The following KCNMA1 variants were observed in gnomAD, a reference collection of about 807,000 sequenced individuals.
The protein encoded by KCNMA1 is potassium calcium-activated channel subfamily M alpha 1.
In KCNMA1, 29 loss-of-function variants were observed where a neutral mutation model predicts 140.0. The observed-to-expected ratio is 0.21, with a 90% confidence interval of 0.15 to 0.28. The LOEUF (loss-of-function observed/expected upper bound fraction) is 0.28, where lower values mean the gene tolerates loss of function less well. Ranked by LOEUF, KCNMA1 falls within the 10% of genes least tolerant of loss-of-function variation. The probability of loss-of-function intolerance (pLI) is 1.00; values close to 1 mark genes in which losing one functional copy is unlikely to be tolerated. For missense variants in KCNMA1, 880 were observed against 1,602.2 expected, an observed-to-expected ratio of 0.55 and a Z score of 7.70; for synonymous variants, 612 against 611.9, an observed-to-expected ratio of 1.00 and a Z score of 0.00.
intron 2 of KCNMA1, among the ~76,000 whole-genome samples, chr10:77,299,007 G>T (rs2075924187): frequency 6.6e-6 from 1 of 152,208 alleles, no homozygotes; most frequent in South Asian, 2.1e-4. Context: ...TGATTTTGTT[G>T]TTGTTGTGTT....
chr10:77,062,347 T>C (rs2095788232), intron 14 of KCNMA1, among the ~76,000 whole-genome samples: 1 of 152,212 alleles, frequency 6.6e-6, no homozygotes, highest in Non-Finnish European at 1.5e-5. Context: ...ATTAACTATA[T>C]TTTTTTCTCC....
chr10:77,610,038 A>G (rs966905192), intron 1 of KCNMA1, among the ~76,000 whole-genome samples: 5 of 152,200 alleles, frequency 3.3e-5, no homozygotes, highest in African/African-American at 1.2e-4. Context: ...AGGCCAGGTC[A>G]CCCTGTTCCC....
chr10:77,443,161 C>T (rs3887429), intron 1 of KCNMA1, among the ~76,000 whole-genome samples: 9,258 of 152,228 alleles, frequency 0.061, 950 homozygotes, highest in African/African-American at 0.21. Flanking sequence ...GCCAGACTGG[C>T]TCCCAAAAGA....
At chr10:77,552,624 C>A (rs947524339) in intron 1 of KCNMA1, among the ~76,000 whole-genome samples, 1 of 152,156 alleles carries the variant, frequency 6.6e-6, no homozygotes, top group African/African-American at 2.4e-5. Context: ...GACTTAATAC[C>A]ACAGAGGGCA....
At chr10:77,584,492 C>G (rs2076713454) in intron 1 of KCNMA1, among the ~76,000 whole-genome samples, 1 of 152,042 alleles carries the variant, frequency 6.6e-6, no homozygotes, top group Non-Finnish European at 1.5e-5. Flanking sequence ...GTAGCTGGGA[C>G]TACAGGTGCA....
intron 3 of KCNMA1, among the ~76,000 whole-genome samples, chr10:77,234,737 CA>C (rs756998992): frequency 2.0e-5 from 3 of 152,210 alleles, no homozygotes; most frequent in Non-Finnish European, 4.4e-5. Context: ...ACCATACTTA[CA>C]GTTAAGGGAA....
At chr10:77,029,445 C>T (rs1382826891) in intron 15 of KCNMA1, among the ~76,000 whole-genome samples, 2 of 152,086 alleles carry the variant, frequency 1.3e-5, no homozygotes, top group Non-Finnish European at 2.9e-5. Context: ...GTGATGAAAC[C>T]AAGGATCAGA....
rs552689810 is a variant in KCNMA1, at chr10:76,960,344, G to A, written c.2361-6420C>T. Among the ~76,000 whole-genome samples, 30 of 151,948 alleles carry A rather than the reference G, an allele frequency of 2.0e-4. 1 individual carries two copies. In the South Asian group the frequency reaches 3.7e-3, roughly 19 times the overall value. ...CACCTGAGCTCAGGAGTTTGAGACC[G>A]GCCTAGGCAACATGGTAAAACCCCA... On this transcript the variant is annotated intron_variant, in intron 20 of 27. Transcript: ENST00000286628.
chr10:77,014,830 G>T (rs2091665639), intron 17 of KCNMA1, among the ~76,000 whole-genome samples: 1 of 152,146 alleles, frequency 6.6e-6, no homozygotes, highest in Admixed American at 6.5e-5. Flanking sequence ...GCATTTCTTT[G>T]CAAGAATCAT....
At chr10:77,032,543 T>A (rs2094008335) in intron 15 of KCNMA1, among the ~76,000 whole-genome samples, 1 of 152,114 alleles carries the variant, frequency 6.6e-6, no homozygotes, top group Non-Finnish European at 1.5e-5. Flanking sequence ...TGTTGCTGGT[T>A]GCAAAAATAA....
At chr10:77,331,408 T>A (rs2086370891) in intron 2 of KCNMA1, among the ~76,000 whole-genome samples, 1 of 152,178 alleles carries the variant, frequency 6.6e-6, no homozygotes, top group Non-Finnish European at 1.5e-5. Flanking sequence ...CAACCATTCC[T>A]GTTTTGAGTA....
At chr10:77,371,839 C>T (rs2094745227) in intron 2 of KCNMA1, among the ~76,000 whole-genome samples, 1 of 152,202 alleles carries the variant, frequency 6.6e-6, no homozygotes, top group African/African-American at 2.4e-5. Context: ...GAGCAATTCC[C>T]CTCCTACAAT....
Position 77,637,661 on chromosome 10 carries a change from G to T in KCNMA1, c.-19C>A. On this transcript the variant is annotated 5_prime_UTR_variant, in exon 1 of 28. Coordinates refer to ENST00000286628, the MANE Select transcript of KCNMA1 (RefSeq NM_001161352.2). ...TTGCCATAGCTAGCAACGGGCAGCC[G>T]GCGCAGGGGCTCGGGGGAGCTCCTC... is the stretch of plus-strand genomic sequence containing the variant. 11 of 1,491,732 alleles carry T rather than the reference G, an allele frequency of 7.4e-6. No individual in the cohort carries two copies. The highest frequency in any genetic ancestry group is 9.8e-6 in the Non-Finnish European group (11 of 1,128,000). The allele number at this position is 1,491,732 out of a possible 1,614,324, so 92.4% of individuals were successfully genotyped here.
chr10:77,457,161 C>T (rs977955637), intron 1 of KCNMA1, among the ~76,000 whole-genome samples: 11 of 152,226 alleles, frequency 7.2e-5, no homozygotes, highest in Admixed American at 3.3e-4. Flanking sequence ...GCTCTTGGGC[C>T]GCCCTGCTAG....
intron 2 of KCNMA1, among the ~76,000 whole-genome samples, chr10:77,401,281 C>A (rs149809593): frequency 6.6e-6 from 1 of 152,016 alleles, no homozygotes; most frequent in Non-Finnish European, 1.5e-5. Context: ...CTCAGCCTCT[C>A]GAGTAGCTGG....
intron 2 of KCNMA1, among the ~76,000 whole-genome samples, chr10:77,325,863 C>G (rs928637067): frequency 6.6e-6 from 1 of 152,204 alleles, no homozygotes; most frequent in Non-Finnish European, 1.5e-5. Context: ...GTAGCTCCCT[C>G]TGGCTTTTAA....
At chr10:77,435,914 C>T (rs71475656) in intron 1 of KCNMA1, among the ~76,000 whole-genome samples, 18 of 152,202 alleles carry the variant, frequency 1.2e-4, no homozygotes, top group Non-Finnish European at 2.4e-4. Context: ...TTTGGATGAA[C>T]CATGGGACCC....
chr10:77,503,031 C>T (rs561931600), intron 1 of KCNMA1, among the ~76,000 whole-genome samples: 6 of 152,206 alleles, frequency 3.9e-5, no homozygotes, highest in South Asian at 2.1e-4. Context: ...GCTGGAGGAC[C>T]GCTTGAGCCC....
At chr10:77,164,522 CT>C (rs113418170) in intron 5 of KCNMA1, among the ~76,000 whole-genome samples, 25,642 of 146,590 alleles carry the variant, frequency 0.17, 2,561 homozygotes, top group African/African-American at 0.29. Flanking sequence ...ATTGATCTTT[CT>C]TTTTTTTTTT....
Sources: allele counts gnomAD v4.1 joint callset (sites outside exome capture counted in the v4.1 genomes callset), GRCh38; gene constraint gnomAD v4.1.1; transcripts MANE v1.5; gene names NCBI Gene and HGNC (gene_info 2026-07-23, HGNC 2026-07-21).